Variants in SHROOM2 observed in about 807,000 individuals in gnomAD.
The protein encoded by SHROOM2 is protein Shroom2.
SHROOM2 carries 33 observed loss-of-function variants against 75.9 expected under a neutral mutation model. The ratio of observed to expected loss-of-function variants is 0.43; its 90% CI spans 0.33 to 0.58. The LOEUF is 0.58. SHROOM2 is among the 20% of genes least tolerant of loss of function. The pLI, the probability that SHROOM2 is intolerant of heterozygous loss-of-function variation, is 0.04. For missense variants in SHROOM2, 1,434 were observed against 1,461.2 expected, an observed-to-expected ratio of 0.98 and a Z score of 0.30; for synonymous variants, 655 against 663.6, an observed-to-expected ratio of 0.99 and a Z score of 0.20.
chrX:9,846,585 A>G (rs956453182), intron 1 of SHROOM2, among the ~76,000 whole-genome samples: 1 of 112,189 alleles, frequency 8.9e-6, no homozygotes, highest in African/African-American at 3.2e-5. Context: ...ATGAGCCATC[A>G]CACCCGGCCA....
chrX:9,787,023 G>A (rs1480703685), intron 1 of SHROOM2, among the ~76,000 whole-genome samples: 1 of 111,844 alleles, frequency 8.9e-6, no homozygotes, highest in Non-Finnish European at 1.9e-5. Context: ...CACCTGCGGG[G>A]CTGCCTGGAG....
At chrX:9,795,117 C>CTTTCTTTCTT (rs141883410) in intron 1 of SHROOM2, among the ~76,000 whole-genome samples, 64 of 103,611 alleles carry the variant, frequency 6.2e-4, no homozygotes, top group South Asian at 8.7e-4. Flanking sequence ...TTCTTTCTTT[C>CTTTCTTTCTT]TTTTTTTTTT....
At chrX:9,866,896 C>G (rs772003744) in intron 1 of SHROOM2, among the ~76,000 whole-genome samples, 2 of 110,851 alleles carry the variant, frequency 1.8e-5, no homozygotes, top group African/African-American at 6.6e-5. Context: ...CCCTTCTTCA[C>G]GGGGAAGCCT....
In SHROOM2 at chrX:9,792,330, T is replaced by A. The variant is rs910034887; in HGVS notation, c.165+5620T>A. On this transcript the variant is annotated intron_variant, in intron 1 of 9. Coordinates refer to ENST00000380913, the MANE Select transcript of SHROOM2 (RefSeq NM_001649.4). ...CATGTCTTAGAAGGATAATACTATATCATTAAAAAGAAAAAATTGGACAAA... is the reference window on the plus strand; with the variant it reads ...CATGTCTTAGAAGGATAATACTATAACATTAAAAAGAAAAAATTGGACAAA... Among the ~76,000 whole-genome samples the A allele has an allele frequency of 6.3e-5, 7 of 110,479 alleles. No individual in the cohort carries two copies. In the Admixed American group the frequency reaches 6.8e-4, roughly 11 times the overall value.
In SHROOM2 at chrX:9,844,821, A is replaced by T. The variant is rs189130583; in HGVS notation, c.166-28831A>T. Among the ~76,000 whole-genome samples the T allele has an allele frequency of 1.6e-3, 176 of 110,121 alleles. 1 individual carries two copies. The highest frequency in any genetic ancestry group is 5.7e-3 in the African/African-American group (170 of 30,054). ...CAAGAGCGAAACTCCATCTTAAAAT[A>T]AATAAATAAATTAATTAATTAATTT... On this transcript the variant is annotated intron_variant, in intron 1 of 9. Coordinates refer to ENST00000380913, the MANE Select transcript of SHROOM2 (RefSeq NM_001649.4).
intron 5 of SHROOM2, among the ~76,000 whole-genome samples, chrX:9,915,610 G>A (rs2084483202): frequency 8.9e-6 from 1 of 111,892 alleles, no homozygotes; most frequent in African/African-American, 3.3e-5. Context: ...AAATGTACTT[G>A]GAGGCCATTA....
At chrX:9,906,176 A>T (rs78890047) in intron 5 of SHROOM2, among the ~76,000 whole-genome samples, 2 of 111,336 alleles carry the variant, frequency 1.8e-5, no homozygotes, top group Middle Eastern at 4.6e-3. Context: ...GCAGTCTAAT[A>T]AAAAAAAATA....
rs1311002262 is a variant in SHROOM2 at position 9,895,749 on chromosome X, C to A, written c.1841C>A (p.Ala614Asp). 8.3e-7 allele frequency: 1 copy of A among 1,200,585 alleles called. No individual in the cohort carries two copies. The highest frequency in any genetic ancestry group is 1.1e-6 in the Non-Finnish European group (1 of 890,369). ...GCCACCAGACCGCCACCGTTCGACG[C>A]CCACGTGGGCAAGCCCACCCGAAGA... Reference protein sequence around the residue: ...DSATRPPPFDAHVGKPTRRSD... With the variant: ...DSATRPPPFDDHVGKPTRRSD... Residue 614 changes from alanine (A) to aspartate (D), a missense_variant, in exon 4 of 10, where the codon GCC becomes GAC. Coordinates refer to ENST00000380913, the MANE Select transcript of SHROOM2 (RefSeq NM_001649.4).
chrX:9,888,032 G>A (rs2084270201), intron 2 of SHROOM2, among the ~76,000 whole-genome samples: 1 of 113,250 alleles, frequency 8.8e-6, no homozygotes, highest in Admixed American at 9.3e-5. Flanking sequence ...ATAAGGATAA[G>A]TGACTTCCCT....
intron 5 of SHROOM2, among the ~76,000 whole-genome samples, chrX:9,919,759 A>C (rs952423262): frequency 9.0e-6 from 1 of 111,509 alleles, no homozygotes; most frequent in African/African-American, 3.3e-5. Context: ...ACTCACTGCA[A>C]CCCATCAGAG....
At chrX:9,935,710 A>G (rs1362895808) in intron 6 of SHROOM2, among the ~76,000 whole-genome samples, 1 of 111,490 alleles carries the variant, frequency 9.0e-6, no homozygotes, top group Non-Finnish European at 1.9e-5. Context: ...CCCAGTCACC[A>G]GTGAAAGAGG....
At chrX:9,816,272 G>T (rs1177389766) in intron 1 of SHROOM2, among the ~76,000 whole-genome samples, 1 of 112,453 alleles carries the variant, frequency 8.9e-6, no homozygotes, top group Non-Finnish European at 1.9e-5. Context: ...TTTTCCTTGT[G>T]TTTCAAGCTT....
intron 1 of SHROOM2, among the ~76,000 whole-genome samples, chrX:9,835,454 T>A (rs5933761): frequency 2.7e-5 from 3 of 111,408 alleles, no homozygotes; most frequent in Non-Finnish European, 3.8e-5. Context: ...AGAAACCATG[T>A]GGCTGCACTA....
intron 1 of SHROOM2, among the ~76,000 whole-genome samples, chrX:9,800,332 G>GTAT (rs572234520): frequency 0.015 from 1,619 of 109,084 alleles, 25 homozygotes; most frequent in African/African-American, 0.04. Context: ...TTTATTTTAT[G>GTAT]TATTATTATT....
At chrX:9,945,173 T>G (rs2084807985) in intron 9 of SHROOM2, among the ~76,000 whole-genome samples, 1 of 111,379 alleles carries the variant, frequency 9.0e-6, no homozygotes, top group Non-Finnish European at 1.9e-5. Context: ...AGTGGTGCGA[T>G]CTCGGCTCAC....
intron 6 of SHROOM2, among the ~76,000 whole-genome samples, chrX:9,933,899 A>G (rs1236741336): frequency 8.9e-6 from 1 of 112,036 alleles, no homozygotes; most frequent in Non-Finnish European, 1.9e-5. Context: ...GTGGCTCTCA[A>G]CCTAGGAGGT....
At chrX:9,837,161 A>G (rs759133411) in intron 1 of SHROOM2, among the ~76,000 whole-genome samples, 2 of 112,429 alleles carry the variant, frequency 1.8e-5, no homozygotes, top group South Asian at 7.4e-4. Context: ...CCCTGACAAG[A>G]GTGGTTCCCA....
At chrX:9,810,535 C>T in intron 1 of SHROOM2, among the ~76,000 whole-genome samples, 1 of 110,954 alleles carries the variant, frequency 9.0e-6, no homozygotes, top group East Asian at 2.8e-4. Context: ...TCTGAACTTC[C>T]AGTTTAATGG....
At chrX:9,798,345 A>G (rs1303277305) in intron 1 of SHROOM2, among the ~76,000 whole-genome samples, 1 of 112,242 alleles carries the variant, frequency 8.9e-6, no homozygotes, top group Non-Finnish European at 1.9e-5. Flanking sequence ...CTGTTTGCAA[A>G]TTTGTAAACA....
Sources: gnomAD v4.1 joint callset for allele counts (sites outside exome capture counted in the v4.1 genomes callset) on GRCh38, gnomAD v4.1.1 for gene constraint, MANE v1.5 for transcripts, NCBI Gene and HGNC (gene_info 2026-07-23, HGNC 2026-07-21) for gene names.